CTXN3: variants seen among roughly 807,000 people sequenced by gnomAD.
The protein encoded by CTXN3 is cortexin 3, also known as cortexin-3.
A neutral mutation model predicts 5.0 loss-of-function variants in CTXN3; 4 were observed. That is an observed-to-expected ratio of 0.79 (90% confidence interval 0.39 to 1.82). The LOEUF is 1.82. Among genes scored for constraint, CTXN3 ranks in the 40% most tolerant of loss-of-function variants. The probability of loss-of-function intolerance (pLI) is 0.04; values close to 1 mark genes in which losing one functional copy is unlikely to be tolerated. For missense variants in CTXN3, 89 were observed against 99.7 expected, an observed-to-expected ratio of 0.89 and a Z score of 0.46; for synonymous variants, 48 against 38.6, an observed-to-expected ratio of 1.24 and a Z score of -0.91.
chr5:127,652,445 T>C (rs1274093974), intron 1 of CTXN3: 1 of 152,200 alleles, frequency 6.6e-6, no homozygotes, highest in East Asian at 1.9e-4. Context: ...AAGGAGCTTA[T>C]TGTGTAATAA....
rs1403231834 is a variant in CTXN3 at position 127,658,389 on chromosome 5, T to G, written c.*622T>G. The stretch of plus-strand genomic sequence containing the variant: ...ACTTAATTCAAAGGCTACAAAGTTT[T>G]AAAAACTATTTACCAAGCCAACTAC... On this transcript the variant is annotated 3_prime_UTR_variant, in exon 3 of 3. Transcript: ENST00000379445. 1 of 167,452 alleles carries G rather than the reference T, an allele frequency of 6.0e-6. No individual in the cohort carries two copies. Among genetic ancestry groups the G allele is most frequent in the Non-Finnish European group, 1.5e-5 (1 of 68,388 alleles). 10.4% of individuals were successfully genotyped at this position (167,452 alleles called of 1,614,324 possible).
intron 2 of CTXN3, among the ~76,000 whole-genome samples, chr5:127,655,822 C>T (rs1749895070): frequency 6.6e-6 from 1 of 152,176 alleles, no homozygotes; most frequent in Non-Finnish European, 1.5e-5. Flanking sequence ...ATGAGTTTTG[C>T]AACTGTTATA....
chr5:127,655,126 G>T (rs973025662), intron 2 of CTXN3, among the ~76,000 whole-genome samples: 3 of 152,078 alleles, frequency 2.0e-5, no homozygotes, highest in African/African-American at 7.2e-5. Context: ...AGCTGGGCGT[G>T]GTGGTGCATG....
chr5:127,652,111 T>C (rs992731682), intron 1 of CTXN3: 5 of 152,182 alleles, frequency 3.3e-5, no homozygotes, highest in African/African-American at 1.2e-4. Context: ...GATTTTTATA[T>C]TTCAGATTCC....
chr5:127,652,637 G>A (rs555920692), intron 1 of CTXN3, among the ~76,000 whole-genome samples: 1 of 152,046 alleles, frequency 6.6e-6, no homozygotes, highest in South Asian at 2.1e-4. Context: ...AGAAGGAGAG[G>A]AAAGATGCTT....
chr5:127,651,263 T>A (rs1305142844), intron 1 of CTXN3, among the ~76,000 whole-genome samples: 1 of 152,204 alleles, frequency 6.6e-6, no homozygotes, highest in African/African-American at 2.4e-5. Context: ...TTTTGACACC[T>A]ACTTTTGAAA....
Position 127,651,186 on chromosome 5 carries a change from T to C in CTXN3, c.-207+1798T>C, listed in dbSNP as rs73339093. Reference sequence around the variant, plus strand: ...TAGTATATCTTTGCAGGATAAAGTGTCCTGTCTATCACATGTGAATGGAAA... The same window carrying C: ...TAGTATATCTTTGCAGGATAAAGTGCCCTGTCTATCACATGTGAATGGAAA... On this transcript the variant is annotated intron_variant, in intron 1 of 2. Coordinates refer to ENST00000379445, the MANE Select transcript of CTXN3 (RefSeq NM_001048252.3). Among the ~76,000 whole-genome samples, 517 of 152,258 alleles carry C rather than the reference T, an allele frequency of 3.4e-3. 2 individuals are homozygous for C. The highest frequency in any genetic ancestry group is 0.012 in the African/African-American group (490 of 41,552).
chr5:127,653,258 T>G (rs1749823188), intron 1 of CTXN3, 59 bp from the exon 2 acceptor site: 1 of 152,242 alleles, frequency 6.6e-6, no homozygotes, highest in South Asian at 2.1e-4. Context: ...AGCAAGGGAA[T>G]GTATTATATG....
At chr5:127,656,898 A>G (rs1181444764) in intron 2 of CTXN3, among the ~76,000 whole-genome samples, 1 of 152,174 alleles carries the variant, frequency 6.6e-6, no homozygotes, top group Non-Finnish European at 1.5e-5. Flanking sequence ...CTCCTGGAGA[A>G]GGTTTCTATT....
At position 127,657,429 on chromosome 5, in the gene CTXN3, C is replaced by T. The variant is rs553518734; in HGVS notation, c.-93C>T. ...CCTTCCTTTTTCCCTGCAGATAACTCAGCCTCTCCAGAGTGCAGCCACCAT... is the reference window on the plus strand; with the variant it reads ...CCTTCCTTTTTCCCTGCAGATAACTTAGCCTCTCCAGAGTGCAGCCACCAT... On this transcript the variant is annotated 5_prime_UTR_variant, in exon 3 of 3. The change creates a premature stop within an existing upstream ORF in the 5' untranslated region. Coordinates refer to ENST00000379445, the MANE Select transcript of CTXN3 (RefSeq NM_001048252.3). The T allele has an allele frequency of 4.3e-5, 62 of 1,433,610 alleles. No individual in the cohort carries two copies. The African/African-American group carries it at 7.9e-4, about 18-fold the overall frequency. 88.8% of individuals were successfully genotyped at this position (1,433,610 alleles called of 1,614,324 possible).
At chr5:127,650,712 G>A (rs1749767826) in intron 1 of CTXN3, among the ~76,000 whole-genome samples, 1 of 152,210 alleles carries the variant, frequency 6.6e-6, no homozygotes, top group South Asian at 2.1e-4. Flanking sequence ...AAGATTTGTA[G>A]GGGAATAATA....
chr5:127,650,595 G>C (rs1749765036), intron 1 of CTXN3, among the ~76,000 whole-genome samples: 1 of 152,198 alleles, frequency 6.6e-6, no homozygotes, highest in Non-Finnish European at 1.5e-5. Context: ...TTGCTGGTAA[G>C]CAAGAGGGCC....
At chr5:127,655,576 T>C (rs996928664) in intron 2 of CTXN3, among the ~76,000 whole-genome samples, 6 of 152,214 alleles carry the variant, frequency 3.9e-5, no homozygotes, top group Non-Finnish European at 8.8e-5. Flanking sequence ...TGGACACAGA[T>C]GGCCCTGGTC....
At chr5:127,655,590 T>A (rs1399658449) in intron 2 of CTXN3, among the ~76,000 whole-genome samples, 1 of 152,236 alleles carries the variant, frequency 6.6e-6, no homozygotes, top group Non-Finnish European at 1.5e-5. Context: ...CCTGGTCTGA[T>A]GTGCTGAGGA....
chr5:127,655,630 C>T (rs1445167918), intron 2 of CTXN3, among the ~76,000 whole-genome samples: 1 of 152,216 alleles, frequency 6.6e-6, no homozygotes, highest in Non-Finnish European at 1.5e-5. Context: ...GGCCTCCCTT[C>T]CTGCCCCTCC....
At chr5:127,652,407 A>G (rs972348793) in intron 1 of CTXN3, 1 of 152,198 alleles carries the variant, frequency 6.6e-6, no homozygotes, top group East Asian at 1.9e-4. Flanking sequence ...TAAAAAGGCA[A>G]TGATCCCAGA....
chr5:127,656,890 C>T (rs1472172632), intron 2 of CTXN3, among the ~76,000 whole-genome samples: 1 of 152,162 alleles, frequency 6.6e-6, no homozygotes, highest in East Asian at 1.9e-4. Flanking sequence ...ACCCAATGCT[C>T]CTGGAGAAGG....
chr5:127,650,489 T>C lies in CTXN3; in HGVS notation c.-207+1101T>C, dbSNP rs191599286. ...CTGTACTTGGAAAAAAATATAGAGATGTTGCCGTGTATATGAGCCAAAAAC... is the reference window on the plus strand; with the variant it reads ...CTGTACTTGGAAAAAAATATAGAGACGTTGCCGTGTATATGAGCCAAAAAC... On this transcript the variant is annotated intron_variant, in intron 1 of 2. Transcript: ENST00000379445. Among the ~76,000 whole-genome samples the C allele has an allele frequency of 2.4e-3, 364 of 152,214 alleles. 3 individuals are homozygous for C. Among genetic ancestry groups the C allele is most frequent in the African/African-American group, 7.0e-3 (291 of 41,548 alleles).
intron 2 of CTXN3, among the ~76,000 whole-genome samples, chr5:127,656,561 T>C (rs1327465739): frequency 6.6e-6 from 1 of 152,152 alleles, no homozygotes; most frequent in Admixed American, 6.5e-5. Context: ...TTGAACCTGG[T>C]CTTTGTTTTC....
Sources: gnomAD v4.1 joint callset for allele counts (sites outside exome capture counted in the v4.1 genomes callset) on GRCh38, gnomAD v4.1.1 for gene constraint, MANE v1.5 for transcripts, NCBI Gene and HGNC (gene_info 2026-07-23, HGNC 2026-07-21) for gene names.